Variants in HTR1F observed in about 807,000 individuals in gnomAD.
The protein encoded by HTR1F is 5-hydroxytryptamine (serotonin) receptor 1F, G protein-coupled.
Under a neutral mutation model 24.0 loss-of-function variants are expected in HTR1F, and 17 were observed. The ratio of observed to expected loss-of-function variants is 0.71; its 90% confidence interval spans 0.48 to 1.06. The LOEUF is 1.06. Ranked by LOEUF, HTR1F falls within the 50% of genes least tolerant of loss-of-function variation. HTR1F has a pLI of 0.00. For missense variants in HTR1F, 391 were observed against 427.8 expected (o/e 0.91, Z 0.76); for synonymous variants, 186 against 156.8 (o/e 1.19, Z -1.39).
chr3:87,812,572 A>G (rs1173669600), intron 1 of HTR1F, among the ~76,000 whole-genome samples: 2 of 152,246 alleles, frequency 1.3e-5, no homozygotes, highest in African/African-American at 2.4e-5. Context: ...CCATTTTCTG[A>G]GAATAATTTC....
intron 1 of HTR1F, among the ~76,000 whole-genome samples, chr3:87,818,909 C>A (rs1410611030): frequency 1.3e-5 from 2 of 152,148 alleles, no homozygotes; most frequent in African/African-American, 4.8e-5. Flanking sequence ...GGAATTTGAC[C>A]ATCCTCAACA....
In HTR1F at chr3:87,794,492, C is replaced by T. The variant is rs79847059; in HGVS notation, c.-160+1650C>T. ...TTTCTAGAACAAATTTTACACTTGC[C>T]TGCTATTAACTTAGGAGTTCCTATG... On this transcript the variant is annotated intron_variant, in intron 1 of 2. Coordinates refer to ENST00000319595, the MANE Select transcript of HTR1F (RefSeq NM_001322209.2). Among the ~76,000 whole-genome samples the T allele has an allele frequency of 4.6e-3, 708 of 152,288 alleles. 6 individuals carry two copies. Among genetic ancestry groups the T allele is most frequent in the African/African-American group, 0.015 (624 of 41,544 alleles).
intron 2 of HTR1F, among the ~76,000 whole-genome samples, chr3:87,941,344 T>G (rs1411217714): frequency 6.6e-6 from 1 of 152,202 alleles, no homozygotes; most frequent in Non-Finnish European, 1.5e-5. Context: ...TAAGCCAGTA[T>G]AGGCTGGATA....
intron 2 of HTR1F, among the ~76,000 whole-genome samples, chr3:87,911,648 A>G (rs1703780785): frequency 6.6e-6 from 1 of 152,158 alleles, no homozygotes; most frequent in African/African-American, 2.4e-5. Context: ...CTTGATGAAT[A>G]TTGATGCAAA....
At chr3:87,913,975 T>C (rs1037338290) in intron 2 of HTR1F, among the ~76,000 whole-genome samples, 1 of 152,020 alleles carries the variant, frequency 6.6e-6, no homozygotes, top group Non-Finnish European at 1.5e-5. Flanking sequence ...TCAGGAAACC[T>C]GAGAGGATCC....
At chr3:87,829,504 G>T (rs142787926) in intron 2 of HTR1F, among the ~76,000 whole-genome samples, 234 of 152,226 alleles carry the variant, frequency 1.5e-3, no homozygotes, top group African/African-American at 5.4e-3. Flanking sequence ...GAAGGCAGTC[G>T]AACCACTAAC....
chr3:87,911,267 G>T (rs975909040), intron 2 of HTR1F, among the ~76,000 whole-genome samples: 8 of 151,958 alleles, frequency 5.3e-5, no homozygotes, highest in Non-Finnish European at 1.0e-4. Context: ...AACACTGTTA[G>T]AAATGGCAAA....
At position 87,973,727 on chromosome 3, in the gene HTR1F, AC is replaced by A. The variant is rs140976262; in HGVS notation, c.-42-16980del. Among the ~76,000 whole-genome samples, 71 of 152,348 alleles carry A rather than the reference AC, an allele frequency of 4.7e-4. No homozygotes were observed. In the East Asian group the frequency reaches 0.013, roughly 29 times the overall value. ...AACTCCTGTAAAATTACTAGGATTC[AC>A]TTGCCTTTGGACACATGCCCTACTA... On this transcript the variant is annotated intron_variant, in intron 2 of 2. Transcript: ENST00000319595.
At chr3:87,923,309 G>T (rs74490268) in intron 2 of HTR1F, among the ~76,000 whole-genome samples, 4,827 of 151,930 alleles carry the variant, frequency 0.032, 236 homozygotes, top group African/African-American at 0.11. Context: ...CATGTTATTG[G>T]TATTTTAAGA....
At chr3:87,881,693 T>G (rs892974283) in intron 2 of HTR1F, among the ~76,000 whole-genome samples, 2 of 152,148 alleles carry the variant, frequency 1.3e-5, no homozygotes, top group Non-Finnish European at 2.9e-5. Flanking sequence ...TCCTTACACC[T>G]TATACAAAAA....
intron 2 of HTR1F, among the ~76,000 whole-genome samples, chr3:87,986,009 T>C (rs1252297769): frequency 2.6e-5 from 4 of 152,200 alleles, no homozygotes; most frequent in African/African-American, 9.6e-5. Context: ...ATATAACACA[T>C]GAGACTGCAG....
chr3:87,848,294 G>A (rs748968035), intron 2 of HTR1F, among the ~76,000 whole-genome samples: 5 of 151,664 alleles, frequency 3.3e-5, no homozygotes, highest in Non-Finnish European at 7.4e-5. Context: ...TCATATACCT[G>A]CTGGCTGTTT....
At chr3:87,841,911 A>AAG (rs1192215016) in intron 2 of HTR1F, among the ~76,000 whole-genome samples, 4 of 125,816 alleles carry the variant, frequency 3.2e-5, no homozygotes, top group Admixed American at 7.4e-5. Context: ...AAAAAAAAAA[A>AAG]AAAAAGAAAA....
intron 2 of HTR1F, among the ~76,000 whole-genome samples, chr3:87,959,808 A>G (rs1260590849): frequency 6.6e-6 from 1 of 151,348 alleles, no homozygotes; most frequent in Admixed American, 6.6e-5. Flanking sequence ...TACAGATTAA[A>G]TAAGCATGAA....
chr3:87,932,539 G>A (rs941252500), intron 2 of HTR1F, among the ~76,000 whole-genome samples: 19 of 151,940 alleles, frequency 1.3e-4, no homozygotes, highest in African/African-American at 2.4e-5. Context: ...CTCTTTTTTG[G>A]TTCCATATGA....
At chr3:87,985,469 T>G (rs1255438804) in intron 2 of HTR1F, among the ~76,000 whole-genome samples, 2 of 152,242 alleles carry the variant, frequency 1.3e-5, no homozygotes, top group Non-Finnish European at 1.5e-5. Flanking sequence ...AATTATTTGT[T>G]GTGTTGTCAT....
intron 2 of HTR1F, among the ~76,000 whole-genome samples, chr3:87,980,369 C>G (rs1185105485): frequency 6.6e-6 from 1 of 152,094 alleles, no homozygotes; most frequent in Non-Finnish European, 1.5e-5. Flanking sequence ...AGAGGAGACC[C>G]AGAGTGGGTA....
chr3:87,826,937 A>G (rs1704476170), intron 2 of HTR1F, among the ~76,000 whole-genome samples: 1 of 151,944 alleles, frequency 6.6e-6, no homozygotes, highest in Admixed American at 6.6e-5. Flanking sequence ...CAGCCTCCCA[A>G]GTAGCTGGGA....
At chr3:87,831,148 A>T (rs1430203943) in intron 2 of HTR1F, among the ~76,000 whole-genome samples, 1 of 151,870 alleles carries the variant, frequency 6.6e-6, no homozygotes, top group Non-Finnish European at 1.5e-5. Flanking sequence ...TACCCTAAAT[A>T]ACTCTTGAAA....
Sources: allele counts gnomAD v4.1 joint callset (sites outside exome capture counted in the v4.1 genomes callset), GRCh38; gene constraint gnomAD v4.1.1; transcripts MANE v1.5; gene names NCBI Gene and HGNC (gene_info 2026-07-23, HGNC 2026-07-21).